Variants in NUDT5 observed in about 807,000 individuals in gnomAD.
The protein encoded by NUDT5 is nudix hydrolase 5, also known as ADP-sugar pyrophosphatase.
Under a neutral mutation model 34.1 loss-of-function variants are expected in NUDT5, and 21 were observed. The ratio of observed to expected loss-of-function variants is 0.62; its 90% CI spans 0.44 to 0.89. The LOEUF is 0.89. NUDT5 is among the 40% of genes least tolerant of loss of function. The probability of loss-of-function intolerance (pLI) is 0.00; values close to 1 mark genes in which losing one functional copy is unlikely to be tolerated. For missense variants in NUDT5, 249 were observed against 274.8 expected (o/e 0.91, Z 0.66); for synonymous variants, 85 against 97.6 (o/e 0.87, Z 0.76).
rs182425573 is a variant in NUDT5 at position 12,167,106 on chromosome 10, C to T, written c.*596G>A. The T allele has an allele frequency of 8.1e-5, 13 of 159,724 alleles. No homozygotes were observed. The highest frequency in any genetic ancestry group is 2.9e-4 in the African/African-American group (12 of 41,574). The allele number at this position is 159,724 out of a possible 1,614,324, so 9.9% of individuals were successfully genotyped here. On this transcript the variant is annotated 3_prime_UTR_variant, in exon 10 of 10. Coordinates refer to ENST00000491614, the MANE Select transcript of NUDT5 (RefSeq NM_014142.4). ...CCTTGGTGTAGTGAATGGAGTCAAC[C>T]GTTTTCCTTACTTAAAAGCTGGTTC...
chr10:12,172,657 C>T (rs187899977), intron 7 of NUDT5, 108 bp downstream of exon 7: 239 of 712,550 alleles, frequency 3.4e-4, no homozygotes, highest in Non-Finnish European at 5.0e-4. Flanking sequence ...TTTGAAAGAC[C>T]GATTCTTTCC....
Position 12,168,483 on chromosome 10 carries a change from A to G in NUDT5, c.551-672T>C, listed in dbSNP as rs762155673. ...CATCTTTTCTGCTGCTAGGGGATAC[A>G]TATGTTCCCCCGGCAAGTTAAACTG... On this transcript the variant is annotated intron_variant, in intron 9 of 9. Coordinates refer to ENST00000491614, the MANE Select transcript of NUDT5 (RefSeq NM_014142.4). This position sits in a 1 kb window ranked among gnomAD's most constrained non-coding sequence, Gnocchi z 4.8. Among the ~76,000 whole-genome samples the G allele has an allele frequency of 6.6e-6, 1 of 152,128 alleles. No individual in the cohort carries two copies. The highest frequency in any genetic ancestry group is 1.5e-5 in the Non-Finnish European group (1 of 68,016).
At chr10:12,195,050 C>G (rs1197573749) in intron 1 of NUDT5, among the ~76,000 whole-genome samples, 1 of 152,172 alleles carries the variant, frequency 6.6e-6, no homozygotes, top group Non-Finnish European at 1.5e-5. Context: ...CTCTCAGCTA[C>G]TCGAGAAGCT....
intron 4 of NUDT5, 159 bp downstream of exon 4, chr10:12,178,924 A>G: frequency 1.5e-6 from 1 of 646,672 alleles, no homozygotes; most frequent in African/African-American, 1.8e-5. Context: ...AGTTACTTAT[A>G]AAGAAAGCTT....
intron 1 of NUDT5, among the ~76,000 whole-genome samples, chr10:12,186,994 A>T (rs1835141606): frequency 6.6e-6 from 1 of 151,880 alleles, no homozygotes; most frequent in Admixed American, 6.6e-5. Context: ...ACCACTCTCC[A>T]TGCCCACCTC....
At chr10:12,178,154 G>A (rs1340829774) in intron 4 of NUDT5, among the ~76,000 whole-genome samples, 2 of 151,704 alleles carry the variant, frequency 1.3e-5, no homozygotes, top group Non-Finnish European at 2.9e-5. Context: ...GGAATAAAAC[G>A]AAACATTTCC....
At chr10:12,172,963 G>T in intron 6 of NUDT5, 97 bp from the exon 7 acceptor site, 1 of 867,132 alleles carries the variant, frequency 1.2e-6, no homozygotes, top group Non-Finnish European at 1.9e-6. Context: ...CAGCATTGAC[G>T]TGGAGGTGAT....
Position 12,170,797 on chromosome 10 carries a change from C to T in NUDT5, c.497-27G>A. 14 of 1,613,982 alleles carry T rather than the reference C, an allele frequency of 8.7e-6. No individual in the cohort carries two copies. Among genetic ancestry groups the T allele is most frequent in the African/African-American group, 1.3e-5 (1 of 75,006 alleles). The stretch of plus-strand genomic sequence containing the variant: ...TAAACAGACAAAGTGCAAGTGAAAA[C>T]AAAGCTAACGTCAAGAGCCTACCAA... On this transcript the variant is annotated intron_variant, in intron 8 of 9. Coordinates refer to ENST00000491614, the MANE Select transcript of NUDT5 (RefSeq NM_014142.4). This position sits in a 1 kb window ranked among gnomAD's most constrained non-coding sequence, Gnocchi z 4.9.
intron 5 of NUDT5, among the ~76,000 whole-genome samples, chr10:12,176,129 G>A (rs1373092154): frequency 2.0e-5 from 3 of 150,834 alleles, no homozygotes; most frequent in South Asian, 4.2e-4. Flanking sequence ...CCCGGGAGGC[G>A]GAGGTTGCAG....
Position 12,169,331 on chromosome 10 carries a change from A to G in NUDT5, c.550+1386T>C, listed in dbSNP as rs1212866757. 2 of 1,548,982 alleles carry G rather than the reference A, an allele frequency of 1.3e-6. No homozygotes were observed. Among genetic ancestry groups the G allele is most frequent in the Non-Finnish European group, 1.7e-6 (2 of 1,143,360 alleles). On this transcript the variant is annotated intron_variant, in intron 9 of 9. Coordinates refer to ENST00000491614, the MANE Select transcript of NUDT5 (RefSeq NM_014142.4). This position sits in a 1 kb window ranked among gnomAD's most constrained non-coding sequence, Gnocchi z 4.8. ...AAAAAGGATACTCTTCTACTAAAAG[A>G]TAACCCCGCACGGCATTTCACACTT...
At position 12,175,437 on chromosome 10, in the gene NUDT5, G is replaced by C. The variant is rs1397781302; in HGVS notation, c.290-1624C>G. Among the ~76,000 whole-genome samples the C allele has an allele frequency of 3.3e-5, 5 of 152,006 alleles. No homozygotes were observed. The highest frequency in any genetic ancestry group is 7.4e-5 in the Non-Finnish European group (5 of 67,996). ...GAGGCAGGAGGATCACTTGAGGCCA[G>C]GAGTTTGGGGCCAGCCTGGGTGACA... On this transcript the variant is annotated intron_variant, in intron 5 of 9. Coordinates refer to ENST00000491614, the MANE Select transcript of NUDT5 (RefSeq NM_014142.4). This position sits in a 1 kb window ranked among gnomAD's most constrained non-coding sequence, Gnocchi z 4.8.
rs1447777446 is a variant in NUDT5, at chr10:12,170,740, T to C, written c.527A>G (p.Asn176Ser). The change falls in exon 9 of 10, where the codon AAT becomes AGT. Residue 176 changes from asparagine (N) to serine (S), a missense_variant. Coordinates refer to ENST00000491614, the MANE Select transcript of NUDT5 (RefSeq NM_014142.4). The surrounding 1 kb of genome is among the most constrained non-coding windows in gnomAD (Gnocchi z 4.9). ...ACCATCAAGTCTCTGCAGCAGGTCA[T>C]TCTTGGGTAAAGAAATGACTTCCAC... ...EFVEVISLPK[N>S]DLLQRLDALV... 2 of 1,614,050 alleles carry C rather than the reference T, an allele frequency of 1.2e-6. No homozygotes were observed. The highest frequency in any genetic ancestry group is 3.3e-5 in the Admixed American group (2 of 60,020).
chr10:12,177,420 G>A (rs560240057), intron 5 of NUDT5, among the ~76,000 whole-genome samples: 18 of 152,066 alleles, frequency 1.2e-4, no homozygotes, highest in African/African-American at 3.1e-4. Flanking sequence ...TCGGGAGGCT[G>A]AAGCAGGAGA....
At chr10:12,191,522 C>G (rs1835231139) in intron 1 of NUDT5, among the ~76,000 whole-genome samples, 2 of 152,184 alleles carry the variant, frequency 1.3e-5, no homozygotes, top group South Asian at 2.1e-4. Flanking sequence ...ATCTCTGCCC[C>G]CAAAACTGCA....
chr10:12,185,473 C>A (rs752496016), intron 2 of NUDT5, among the ~76,000 whole-genome samples: 1 of 152,224 alleles, frequency 6.6e-6, no homozygotes, highest in Non-Finnish European at 1.5e-5. Context: ...TCCCACCCAA[C>A]CACAGATGGA....
intron 5 of NUDT5, among the ~76,000 whole-genome samples, chr10:12,177,480 C>T (rs1358840170): frequency 6.6e-6 from 1 of 152,160 alleles, no homozygotes; most frequent in Non-Finnish European, 1.5e-5. Flanking sequence ...GATCGTGCCA[C>T]TGCACTCCAG....
At chr10:12,167,928 G>A in intron 9 of NUDT5, 117 bp from the exon 10 acceptor site, 2 of 1,456,006 alleles carry the variant, frequency 1.4e-6, no homozygotes, top group South Asian at 1.4e-5. Context: ...GCTAGATGCT[G>A]GTGATAACGT....
Position 12,169,195 on chromosome 10 carries a change from T to C in NUDT5, c.551-1384A>G. 3 of 1,091,258 alleles carry C rather than the reference T, an allele frequency of 2.7e-6. No individual in the cohort carries two copies. Among genetic ancestry groups the C allele is most frequent in the African/African-American group, 1.6e-5 (1 of 63,112 alleles). 67.6% of individuals were successfully genotyped at this position (1,091,258 alleles called of 1,614,324 possible). On this transcript the variant is annotated intron_variant, in intron 9 of 9. Coordinates refer to ENST00000491614, the MANE Select transcript of NUDT5 (RefSeq NM_014142.4). The surrounding 1 kb of genome is among the most constrained non-coding windows in gnomAD (Gnocchi z 4.8). ...TGGTTCTTTTACCCCTCCTCCTTTA[T>C]AGCCATAGTAGCCCTCTCTCCACCT...
In NUDT5 at chr10:12,172,831, T is replaced by C. The variant is rs551132842; in HGVS notation, c.421A>G (p.Ile141Val). Residue 141 changes from isoleucine to valine, a missense_variant, in exon 7 of 10, where the codon ATA becomes GTA. Physicochemically the swap from Ile to Val is conservative, Grantham distance 29 (BLOSUM62 3). Coordinates refer to ENST00000491614, the MANE Select transcript of NUDT5 (RefSeq NM_014142.4). ...TTAATGGTGACTGTCACGATGTGTA[T>C]AGTACAGTTTGACAAGCCTGGGTCC... ...CMDPGLSNCT[I>V]HIVTVTINGD... is the part of the protein sequence containing the mutation. 12 of 1,614,206 alleles carry C rather than the reference T, an allele frequency of 7.4e-6. No homozygotes were observed. The African/African-American group carries it at 1.1e-4, about 14-fold the overall frequency.
Sources: gnomAD v4.1 joint callset for allele counts (sites outside exome capture counted in the v4.1 genomes callset) on GRCh38, gnomAD v4.1.1 for gene constraint, Gnocchi (gnomAD v3.1) non-coding constraint, MANE v1.5 for transcripts, NCBI Gene and HGNC (gene_info 2026-07-23, HGNC 2026-07-21) for gene names.